The following NPAS3 variants were observed in gnomAD, a reference collection of about 807,000 sequenced individuals.
NPAS3 encodes the protein neuronal PAS domain-containing protein 3.
Under a neutral mutation model 73.1 loss-of-function variants are expected in NPAS3, and 14 were observed. The ratio of observed to expected loss-of-function variants is 0.19; its 90% CI spans 0.13 to 0.30. NPAS3 has a LOEUF of 0.30. Among genes scored for constraint, NPAS3 ranks in the 10% least tolerant of loss-of-function variants. The pLI, the probability that NPAS3 is intolerant of heterozygous loss-of-function variation, is 1.00. For synonymous variants in NPAS3, 620 were observed against 541.5 expected, an observed-to-expected ratio of 1.14 and a Z score of -2.01; for missense variants, 1,096 against 1,250.0, an observed-to-expected ratio of 0.88 and a Z score of 1.86.
chr14:33,064,309 G>A (rs1184307619), intron 2 of NPAS3, among the ~76,000 whole-genome samples: 3 of 152,136 alleles, frequency 2.0e-5, no homozygotes, highest in Non-Finnish European at 4.4e-5. Context: ...CTTTTAATGA[G>A]AAGATAAACA....
chr14:33,492,869 C>T (rs1660635932), intron 4 of NPAS3, among the ~76,000 whole-genome samples: 1 of 152,144 alleles, frequency 6.6e-6, no homozygotes, highest in Non-Finnish European at 1.5e-5. Flanking sequence ...CATTGCAGAC[C>T]TGTTAGATTG....
At chr14:33,091,454 C>T (rs2042221731) in intron 2 of NPAS3, among the ~76,000 whole-genome samples, 1 of 151,994 alleles carries the variant, frequency 6.6e-6, no homozygotes, top group African/African-American at 2.4e-5. Flanking sequence ...AAGTTGAATC[C>T]CTGAAGAAAC....
chr14:33,159,171 T>A (rs906118744), intron 2 of NPAS3, among the ~76,000 whole-genome samples: 3 of 152,036 alleles, frequency 2.0e-5, no homozygotes, highest in Non-Finnish European at 2.9e-5. Context: ...TCAAAAAAAA[T>A]AAATAAATAA....
intron 3 of NPAS3, among the ~76,000 whole-genome samples, chr14:33,348,574 T>G (rs544696565): frequency 6.6e-6 from 1 of 152,176 alleles, no homozygotes; most frequent in Non-Finnish European, 1.5e-5. Context: ...CAGGACAAGA[T>G]TGTTTATTTT....
At chr14:33,377,621 A>G (rs1271630729) in intron 4 of NPAS3, among the ~76,000 whole-genome samples, 5 of 152,180 alleles carry the variant, frequency 3.3e-5, no homozygotes, top group African/African-American at 1.2e-4. Flanking sequence ...ATTTTTGTTT[A>G]CCTTGCTAAC....
chr14:33,617,653 C>T (rs989799420), intron 5 of NPAS3, among the ~76,000 whole-genome samples: 3 of 152,154 alleles, frequency 2.0e-5, no homozygotes, highest in Non-Finnish European at 4.4e-5. Flanking sequence ...TCACTGGTGA[C>T]CCTGAGATTT....
At chr14:33,119,738 C>G (rs753198588) in intron 2 of NPAS3, among the ~76,000 whole-genome samples, 11 of 152,120 alleles carry the variant, frequency 7.2e-5, no homozygotes, top group Non-Finnish European at 1.0e-4. Context: ...CATTCAGAAT[C>G]AAGATCTATT....
chr14:33,763,084 AT>A (rs2062348179), intron 7 of NPAS3, among the ~76,000 whole-genome samples: 1 of 152,184 alleles, frequency 6.6e-6, no homozygotes, highest in Non-Finnish European at 1.5e-5. Flanking sequence ...CGGGCAGGAC[AT>A]TTCACCTGAC....
intron 3 of NPAS3, among the ~76,000 whole-genome samples, chr14:33,216,473 T>A (rs140735500): frequency 1.4e-4 from 21 of 152,304 alleles, no homozygotes; most frequent in African/African-American, 1.7e-4. Context: ...CATATATGTG[T>A]CCGTGAGAGT....
At chr14:33,577,152 ATGG>A (rs1385363772) in intron 5 of NPAS3, among the ~76,000 whole-genome samples, 4 of 152,154 alleles carry the variant, frequency 2.6e-5, no homozygotes, top group Non-Finnish European at 5.9e-5. Context: ...TGGCAGAAAT[ATGG>A]TGTTCTTTAA....
chr14:32,974,708 A>AG (rs1344100322), intron 1 of NPAS3, among the ~76,000 whole-genome samples: 1 of 152,148 alleles, frequency 6.6e-6, no homozygotes, highest in African/African-American at 2.4e-5. Flanking sequence ...AGGAAGGGTG[A>AG]GGGTACCTGG....
At chr14:33,029,173 G>A (rs897636487) in intron 1 of NPAS3, among the ~76,000 whole-genome samples, 3 of 152,128 alleles carry the variant, frequency 2.0e-5, no homozygotes, top group Admixed American at 6.5e-5. Flanking sequence ...AGGCGGGTAG[G>A]GATACATTTT....
At chr14:33,430,667 C>G (rs1043838868) in intron 4 of NPAS3, among the ~76,000 whole-genome samples, 1 of 152,198 alleles carries the variant, frequency 6.6e-6, no homozygotes, top group African/African-American at 2.4e-5. Context: ...GGCATCAGAT[C>G]TCCTCAGACA....
At chr14:33,702,526 G>A (rs1366390044) in intron 6 of NPAS3, among the ~76,000 whole-genome samples, 1 of 152,232 alleles carries the variant, frequency 6.6e-6, no homozygotes, top group Non-Finnish European at 1.5e-5. Flanking sequence ...TTGGGTCCAT[G>A]TGAGGAAAGT....
intron 3 of NPAS3, among the ~76,000 whole-genome samples, chr14:33,359,396 A>G (rs2045487941): frequency 6.6e-6 from 1 of 152,114 alleles, no homozygotes; most frequent in Non-Finnish European, 1.5e-5. Context: ...ACTGAAAACT[A>G]AAAAATCAAG....
At chr14:33,512,399 C>T (rs2053096912) in intron 4 of NPAS3, among the ~76,000 whole-genome samples, 2 of 151,964 alleles carry the variant, frequency 1.3e-5, no homozygotes, top group South Asian at 4.1e-4. Flanking sequence ...ACAGTGTTCC[C>T]TGCTTTGATC....
chr14:33,113,802 G>A (rs1460367141), intron 2 of NPAS3, among the ~76,000 whole-genome samples: 1 of 152,092 alleles, frequency 6.6e-6, no homozygotes, highest in African/African-American at 2.4e-5. Context: ...TTGGCTGTGG[G>A]TTTGTCATAA....
chr14:33,655,222 G>A (rs2140247678), intron 5 of NPAS3, among the ~76,000 whole-genome samples: 1 of 151,922 alleles, frequency 6.6e-6, no homozygotes, highest in East Asian at 1.9e-4. Flanking sequence ...TACCTGCATA[G>A]CCCTCAGGCA....
chr14:33,658,797 A>G (rs557369575), intron 5 of NPAS3, among the ~76,000 whole-genome samples: 1 of 152,282 alleles, frequency 6.6e-6, no homozygotes, highest in African/African-American at 2.4e-5. Flanking sequence ...ACCCATCTTC[A>G]TCCCCCACTA....
Sources: allele counts gnomAD v4.1 joint callset (sites outside exome capture counted in the v4.1 genomes callset), GRCh38; gene constraint gnomAD v4.1.1; transcripts MANE v1.5; gene names NCBI Gene and HGNC (gene_info 2026-07-23, HGNC 2026-07-21).